Variants in PTPRD observed in about 807,000 individuals in gnomAD.
PTPRD encodes the protein receptor-type tyrosine-protein phosphatase delta.
A neutral mutation model predicts 214.5 loss-of-function variants in PTPRD; 34 were observed. The observed-to-expected ratio is 0.16, with a 90% CI of 0.12 to 0.21. The LOEUF (loss-of-function observed/expected upper bound fraction) is 0.21. Ranked by LOEUF, PTPRD falls within the 10% of genes least tolerant of loss-of-function variation. The pLI is 1.00. For missense variants in PTPRD, 2,545 were observed against 2,398.7 expected (o/e 1.06, Z -1.27); for synonymous variants, 1,128 against 845.7 (o/e 1.33, Z -5.79).
chr9:10,328,667 G>T (rs1301817534), intron 3 of PTPRD, among the ~76,000 whole-genome samples: 1 of 151,682 alleles, frequency 6.6e-6, no homozygotes, highest in Non-Finnish European at 1.5e-5. Flanking sequence ...TTGATTATAC[G>T]TTACATAAGT....
At chr9:9,743,582 C>G (rs2098426112) in intron 6 of PTPRD, among the ~76,000 whole-genome samples, 1 of 151,954 alleles carries the variant, frequency 6.6e-6, no homozygotes, top group Non-Finnish European at 1.5e-5. Context: ...TGACCTAGTT[C>G]TTGACACTAC....
At chr9:8,853,590 G>A (rs1217810861) in intron 11 of PTPRD, among the ~76,000 whole-genome samples, 2 of 152,128 alleles carry the variant, frequency 1.3e-5, no homozygotes, top group African/African-American at 4.8e-5. Context: ...TGAAATTACA[G>A]AAGCTTAAAC....
At chr9:10,156,078 T>TTGTGTGTGTGTGTG (rs71485323) in intron 3 of PTPRD, among the ~76,000 whole-genome samples, 5 of 132,544 alleles carry the variant, frequency 3.8e-5, no homozygotes, top group East Asian at 2.2e-4. Context: ...TTTTGAATGT[T>TTGTGTGTGTGTGTG]TGTGTGTGTG....
intron 8 of PTPRD, among the ~76,000 whole-genome samples, chr9:9,423,012 G>A (rs1019339877): frequency 8.6e-5 from 13 of 152,044 alleles, no homozygotes; most frequent in Non-Finnish European, 1.8e-4. Flanking sequence ...ACAAAGTTTG[G>A]GGAAACCAGA....
intron 32 of PTPRD, among the ~76,000 whole-genome samples, chr9:8,461,943 G>T (rs999961277): frequency 6.6e-6 from 1 of 151,784 alleles, no homozygotes; most frequent in Non-Finnish European, 1.5e-5. Context: ...AGCCACTGTG[G>T]CTGGCCCTGA....
intron 8 of PTPRD, among the ~76,000 whole-genome samples, chr9:9,438,875 T>C (rs527443122): frequency 1.3e-5 from 2 of 152,282 alleles, no homozygotes; most frequent in South Asian, 2.1e-4. Context: ...TGTAAGTTTA[T>C]ATAAACTTTT....
At chr9:10,139,311 T>G (rs1395130938) in intron 3 of PTPRD, among the ~76,000 whole-genome samples, 1 of 151,138 alleles carries the variant, frequency 6.6e-6, no homozygotes, top group East Asian at 1.9e-4. Context: ...CCAGGAATAC[T>G]GCTAATCAAG....
At chr9:9,079,854 T>C (rs188975975) in intron 10 of PTPRD, among the ~76,000 whole-genome samples, 14 of 152,150 alleles carry the variant, frequency 9.2e-5, no homozygotes, top group Non-Finnish European at 1.8e-4. Flanking sequence ...TAGGATTTCA[T>C]CCAGTTCATG....
chr9:9,704,523 C>T (rs777977630), intron 7 of PTPRD, among the ~76,000 whole-genome samples: 20 of 152,112 alleles, frequency 1.3e-4, no homozygotes, highest in Non-Finnish European at 2.6e-4. Context: ...AAGATTGGGT[C>T]CAATTCCCCT....
chr9:8,462,786 T>A lies in PTPRD; in HGVS notation c.3715-2215A>T, dbSNP rs183396651. On this transcript the variant is annotated intron_variant, in intron 32 of 45. Transcript: ENST00000381196. Reference sequence around the variant, plus strand: ...GATAAAAATAACACAGCTAAATTTTTATTTAGTCCTTGTTTTTTTAAATGG... The same window carrying A: ...GATAAAAATAACACAGCTAAATTTTAATTTAGTCCTTGTTTTTTTAAATGG... 4.9e-3 allele frequency among the ~76,000 whole-genome samples: 738 copies of A among 152,118 alleles called. 6 individuals are homozygous for A. The highest frequency in any genetic ancestry group is 0.017 in the Middle Eastern group (5 of 294).
chr9:9,303,299 C>T (rs965556545), intron 9 of PTPRD, among the ~76,000 whole-genome samples: 1 of 151,894 alleles, frequency 6.6e-6, no homozygotes, highest in Non-Finnish European at 1.5e-5. Flanking sequence ...TCCCAAAATA[C>T]ACAATTGGTT....
chr9:8,630,009 T>C (rs989426969), intron 14 of PTPRD, among the ~76,000 whole-genome samples: 2 of 151,814 alleles, frequency 1.3e-5, no homozygotes, highest in African/African-American at 4.8e-5. Flanking sequence ...TTCAATGTCT[T>C]CTTCATTAAC....
intron 2 of PTPRD, among the ~76,000 whole-genome samples, chr9:10,418,039 A>T (rs1565905965): frequency 6.6e-6 from 1 of 151,918 alleles, no homozygotes; most frequent in Non-Finnish European, 1.5e-5. Context: ...AATGGGAAAG[A>T]AACCATGAAA....
intron 8 of PTPRD, among the ~76,000 whole-genome samples, chr9:9,516,226 C>T (rs748037474): frequency 1.2e-4 from 18 of 152,170 alleles, no homozygotes; most frequent in Admixed American, 3.3e-4. Context: ...GTTAATTCTA[C>T]AGTCCATCTA....
intron 4 of PTPRD, among the ~76,000 whole-genome samples, chr9:9,989,982 C>A (rs2095857307): frequency 6.6e-6 from 1 of 152,220 alleles, no homozygotes; most frequent in African/African-American, 2.4e-5. Context: ...GTCAAGGGGA[C>A]TATCCCATCT....
chr9:8,495,475 T>C (rs960167147), intron 26 of PTPRD, among the ~76,000 whole-genome samples: 1 of 152,214 alleles, frequency 6.6e-6, no homozygotes, highest in Non-Finnish European at 1.5e-5. Flanking sequence ...ACCTTTTTAC[T>C]CTCTAATCTA....
chr9:8,631,399 T>A (rs990803243), intron 14 of PTPRD, among the ~76,000 whole-genome samples: 1 of 151,840 alleles, frequency 6.6e-6, no homozygotes, highest in Non-Finnish European at 1.5e-5. Flanking sequence ...GGGCTTACTG[T>A]CGCTTGCTGG....
chr9:9,209,500 A>C (rs1380450944), intron 9 of PTPRD, among the ~76,000 whole-genome samples: 3 of 152,188 alleles, frequency 2.0e-5, no homozygotes, highest in Non-Finnish European at 4.4e-5. Context: ...ATTGTTAATT[A>C]ATGTTGGGTG....
At chr9:9,354,670 G>C (rs1398278254) in intron 9 of PTPRD, among the ~76,000 whole-genome samples, 1 of 151,660 alleles carries the variant, frequency 6.6e-6, no homozygotes, top group Non-Finnish European at 1.5e-5. Context: ...TGCATTAGGA[G>C]GTAAAAAGTG....
Sources: gnomAD v4.1 joint callset for allele counts (sites outside exome capture counted in the v4.1 genomes callset) on GRCh38, gnomAD v4.1.1 for gene constraint, MANE v1.5 for transcripts, NCBI Gene and HGNC (gene_info 2026-07-23, HGNC 2026-07-21) for gene names.